The following LHCGR variants were observed in gnomAD, a reference collection of about 807,000 sequenced individuals.
The protein encoded by LHCGR is luteinizing hormone/choriogonadotropin receptor.
LHCGR carries 55 observed loss-of-function variants against 60.7 expected under a neutral mutation model. The ratio of observed to expected loss-of-function variants is 0.91; its 90% confidence interval spans 0.73 to 1.13. The LOEUF (loss-of-function observed/expected upper bound fraction) is 1.13. LHCGR is among the 50% of genes most tolerant of loss of function. LHCGR has a pLI of 0.00. For missense variants in LHCGR, 862 were observed against 836.0 expected, an observed-to-expected ratio of 1.03 and a Z score of -0.38; for synonymous variants, 337 against 316.5, an observed-to-expected ratio of 1.06 and a Z score of -0.69.
chr2:48,690,950 C>A (rs1680203132), intron 10 of LHCGR, among the ~76,000 whole-genome samples: 1 of 152,116 alleles, frequency 6.6e-6, no homozygotes, highest in Non-Finnish European at 1.5e-5. Flanking sequence ...TAATTCTAAA[C>A]CAGGATGATT....
In LHCGR at chr2:48,688,344, G is replaced by T. The variant is rs778759387; in HGVS notation, c.1453C>A (p.Leu485Met). 3.7e-6 allele frequency: 6 copies of T among 1,614,030 alleles called. No homozygotes were observed. Among genetic ancestry groups the T allele is most frequent in the Non-Finnish European group, 5.1e-6 (6 of 1,180,036 alleles). The change falls in exon 11 of 11, where the codon CTG becomes ATG. Residue 485 changes from leucine to methionine, a missense_variant. Transcript: ENST00000294954. This position sits in a 1 kb window ranked among gnomAD's most constrained non-coding sequence, Gnocchi z 5.2. ...DQKLRLRHAI[L>M]IMLGGWLFSS... Reference sequence around the variant, plus strand: ...AAGAGCCATCCTCCAAGCATAATCAGAATGGCATGTCTTAATCGCAGCTTT... The same window carrying T: ...AAGAGCCATCCTCCAAGCATAATCATAATGGCATGTCTTAATCGCAGCTTT...
At chr2:48,694,327 A>C in intron 9 of LHCGR, 23 bp from the exon 10 acceptor site, 1 of 1,501,920 alleles carries the variant, frequency 6.7e-7, no homozygotes, top group East Asian at 2.3e-5. Context: ...AGGTTAAAAA[A>C]AGCATTTGAG....
intron 10 of LHCGR, among the ~76,000 whole-genome samples, chr2:48,689,562 T>A (rs1237099636): frequency 6.6e-6 from 1 of 152,122 alleles, no homozygotes; most frequent in African/African-American, 2.4e-5. Flanking sequence ...TTGTGGACAA[T>A]AGGAAGAGAT....
intron 8 of LHCGR, among the ~76,000 whole-genome samples, chr2:48,702,896 A>G (rs1667483894): frequency 6.6e-6 from 1 of 152,176 alleles, no homozygotes; most frequent in African/African-American, 2.4e-5. Flanking sequence ...CAACAGTGTA[A>G]AAGTGTTCCT....
At chr2:48,735,849 G>T (rs115872725) in intron 1 of LHCGR, among the ~76,000 whole-genome samples, 54 of 152,236 alleles carry the variant, frequency 3.5e-4, no homozygotes, top group African/African-American at 1.2e-3. Context: ...CCCAAATCTC[G>T]TGTCAAATTG....
chr2:48,719,703 G>A (rs1214548553), intron 6 of LHCGR, among the ~76,000 whole-genome samples: 1 of 152,188 alleles, frequency 6.6e-6, no homozygotes, highest in Admixed American at 6.5e-5. Context: ...ATCAAGTGAA[G>A]TGTTTTGTTT....
intron 1 of LHCGR, among the ~76,000 whole-genome samples, chr2:48,742,715 C>G (rs934748997): frequency 1.3e-4 from 20 of 152,112 alleles, no homozygotes; most frequent in African/African-American, 4.8e-4. Flanking sequence ...AAATTTTTAG[C>G]ACTAAATGCC....
intron 1 of LHCGR, among the ~76,000 whole-genome samples, chr2:48,737,625 ACTT>A (rs1669258377): frequency 1.3e-5 from 2 of 152,236 alleles, no homozygotes; most frequent in African/African-American, 2.4e-5. Context: ...GAATGTCTTC[ACTT>A]ATTGGCCTAT....
intron 2 of LHCGR, among the ~76,000 whole-genome samples, chr2:48,730,189 C>G (rs1447070550): frequency 5.3e-5 from 8 of 152,206 alleles, no homozygotes; most frequent in Admixed American, 5.2e-4. Context: ...AATGTCTTTT[C>G]TTAACAACAC....
At chr2:48,732,732 C>A (rs964757637) in intron 1 of LHCGR, among the ~76,000 whole-genome samples, 1 of 152,132 alleles carries the variant, frequency 6.6e-6, no homozygotes, top group Admixed American at 6.5e-5. Context: ...ATGTCACATT[C>A]GCTCTATTTC....
intron 9 of LHCGR, among the ~76,000 whole-genome samples, chr2:48,697,412 A>G (rs971796987): frequency 3.9e-5 from 6 of 152,188 alleles, no homozygotes; most frequent in Non-Finnish European, 8.8e-5. Context: ...GCTCCCATAC[A>G]GCTGTCTGTG....
At chr2:48,734,883 A>G (rs1669149595) in intron 1 of LHCGR, among the ~76,000 whole-genome samples, 1 of 152,248 alleles carries the variant, frequency 6.6e-6, no homozygotes. Context: ...GTGGTAAAGA[A>G]TTAGGGTTAC....
chr2:48,697,512 G>T (rs917234062), intron 9 of LHCGR, among the ~76,000 whole-genome samples: 7 of 152,224 alleles, frequency 4.6e-5, no homozygotes, highest in African/African-American at 1.4e-4. Context: ...AATGGCACAT[G>T]ACTCTGTGAA....
chr2:48,720,136 C>T (rs1420905454), intron 6 of LHCGR: 1 of 152,178 alleles, frequency 6.6e-6, no homozygotes, highest in Non-Finnish European at 1.5e-5. Context: ...TTCTTAAAAT[C>T]ATGAGCAACA....
At chr2:48,699,746 G>C (rs1370521096) in intron 8 of LHCGR, among the ~76,000 whole-genome samples, 1 of 152,248 alleles carries the variant, frequency 6.6e-6, no homozygotes, top group Admixed American at 6.5e-5. Context: ...CGAACACTCA[G>C]CCTTGCAAGC....
intron 1 of LHCGR, among the ~76,000 whole-genome samples, chr2:48,749,382 A>C (rs538765660): frequency 3.3e-5 from 5 of 152,358 alleles, no homozygotes; most frequent in Admixed American, 1.3e-4. Flanking sequence ...TAAAATCTGC[A>C]TTAAATATGA....
intron 9 of LHCGR, among the ~76,000 whole-genome samples, chr2:48,695,115 C>G (rs1326614012): frequency 2.0e-5 from 3 of 152,186 alleles, no homozygotes; most frequent in African/African-American, 7.2e-5. Context: ...TATTCATGCC[C>G]TTTGCCCATT....
chr2:48,727,260 A>T (rs1483439352), intron 3 of LHCGR, among the ~76,000 whole-genome samples: 1 of 148,590 alleles, frequency 6.7e-6, no homozygotes, highest in Non-Finnish European at 1.5e-5. Flanking sequence ...ACCCTGTATA[A>T]AAAAAAAAAG....
intron 8 of LHCGR, among the ~76,000 whole-genome samples, chr2:48,706,387 T>C (rs1667674241): frequency 6.6e-6 from 1 of 152,210 alleles, no homozygotes; most frequent in South Asian, 2.1e-4. Flanking sequence ...ATGGCTCCTC[T>C]GGAGGAGTAT....
Sources: gnomAD v4.1 joint callset for allele counts (sites outside exome capture counted in the v4.1 genomes callset) on GRCh38, gnomAD v4.1.1 for gene constraint, Gnocchi (gnomAD v3.1) non-coding constraint, MANE v1.5 for transcripts, NCBI Gene and HGNC (gene_info 2026-07-23, HGNC 2026-07-21) for gene names.